The following RETREG1 variants were observed in gnomAD, a reference collection of about 807,000 sequenced individuals.
The protein encoded by RETREG1 is reticulophagy regulator 1.
RETREG1 carries 44 observed loss-of-function variants against 54.8 expected under a neutral mutation model. The ratio of observed to expected loss-of-function variants is 0.80; its 90% CI spans 0.63 to 1.03. RETREG1 has a LOEUF of 1.03. RETREG1 is among the 50% of genes least tolerant of loss of function. The pLI, the probability that RETREG1 is intolerant of heterozygous loss-of-function variation, is 0.00. For missense variants in RETREG1, 554 were observed against 605.1 expected (o/e 0.92, Z 0.89); for synonymous variants, 217 against 238.5 (o/e 0.91, Z 0.83).
Position 16,474,669 on chromosome 5 carries a change from C to G in RETREG1, c.*72G>C, listed in dbSNP as rs1257604889. On this transcript the variant is annotated 3_prime_UTR_variant, in exon 9 of 9. Transcript: ENST00000306320. ...CTTACAGTTCAATTTTTTTCTTTTCCTTTTTTTTTTTTTTTTCTTGTTTGA... is the reference window on the plus strand; with the variant it reads ...CTTACAGTTCAATTTTTTTCTTTTCGTTTTTTTTTTTTTTTTCTTGTTTGA... 8.6e-7 allele frequency: 1 copy of G among 1,161,672 alleles called. No individual in the cohort carries two copies. The highest frequency in any genetic ancestry group is 1.8e-5 in the African/African-American group (1 of 56,950). The allele number at this position is 1,161,672 out of a possible 1,614,324, so 72.0% of individuals were successfully genotyped here.
In RETREG1 at chr5:16,614,210, A is replaced by C. The variant is rs142264935; in HGVS notation, c.320+2442T>G. On this transcript the variant is annotated intron_variant, in intron 1 of 8. Coordinates refer to ENST00000306320, the MANE Select transcript of RETREG1 (RefSeq NM_001034850.3). ...TGCCTTTCAATTATTTTATGCAAAAACATTATTTTCAATAGGTGTCATTAA... is the reference window on the plus strand; with the variant it reads ...TGCCTTTCAATTATTTTATGCAAAACCATTATTTTCAATAGGTGTCATTAA... Among the ~76,000 whole-genome samples the C allele has an allele frequency of 8.4e-3, 1,278 of 151,440 alleles. 20 individuals are homozygous for C. The highest frequency in any genetic ancestry group is 0.028 in the African/African-American group (1,150 of 41,182).
At chr5:16,513,922 T>C (rs965210093) in intron 3 of RETREG1, among the ~76,000 whole-genome samples, 1 of 152,228 alleles carries the variant, frequency 6.6e-6, no homozygotes, top group East Asian at 1.9e-4. Context: ...GTAACTCTAT[T>C]CTGACAGCAC....
chr5:16,556,407 G>A (rs924633216), intron 3 of RETREG1, among the ~76,000 whole-genome samples: 6 of 151,926 alleles, frequency 3.9e-5, no homozygotes, highest in South Asian at 2.1e-4. Context: ...TGATCCTCCC[G>A]CCTCAGCCTC....
At chr5:16,529,909 A>G (rs1433948721) in intron 3 of RETREG1, among the ~76,000 whole-genome samples, 4 of 152,128 alleles carry the variant, frequency 2.6e-5, no homozygotes, top group African/African-American at 9.7e-5. Flanking sequence ...ATGAGCAGCA[A>G]TTCAAGTCCA....
intron 3 of RETREG1, among the ~76,000 whole-genome samples, chr5:16,514,457 A>T (rs557492887): frequency 6.6e-6 from 1 of 152,284 alleles, no homozygotes; most frequent in South Asian, 2.1e-4. Context: ...TTTCACTTGT[A>T]TCTTCAGTAT....
intron 7 of RETREG1, 58 bp downstream of exon 7, chr5:16,477,976 A>G: frequency 7.1e-7 from 1 of 1,399,650 alleles, no homozygotes; most frequent in Non-Finnish European, 1.0e-6. Flanking sequence ...CTTTGTATGC[A>G]TACATGCATT....
chr5:16,555,216 A>G (rs1741673223), intron 3 of RETREG1, among the ~76,000 whole-genome samples: 1 of 152,184 alleles, frequency 6.6e-6, no homozygotes, highest in South Asian at 2.1e-4. Flanking sequence ...CAGTGGCGCA[A>G]TCTGGGCTCA....
At chr5:16,523,736 A>G (rs1181403719) in intron 3 of RETREG1, among the ~76,000 whole-genome samples, 1 of 152,134 alleles carries the variant, frequency 6.6e-6, no homozygotes, top group Non-Finnish European at 1.5e-5. Flanking sequence ...ATCAACGTAC[A>G]GTATTTGGTG....
intron 2 of RETREG1, 79 bp downstream of exon 2, chr5:16,571,917 C>T (rs976791698): frequency 9.7e-7 from 1 of 1,029,318 alleles, no homozygotes. Flanking sequence ...GACTAATTGG[C>T]TAATATGCCT....
intron 8 of RETREG1, among the ~76,000 whole-genome samples, chr5:16,477,000 C>T (rs940794344): frequency 5.9e-5 from 9 of 152,116 alleles, no homozygotes; most frequent in Admixed American, 4.6e-4. Flanking sequence ...GGGAACTTGA[C>T]GTCCATACTT....
intron 3 of RETREG1, among the ~76,000 whole-genome samples, chr5:16,510,818 CAAA>C (rs57713373): frequency 0.015 from 1,166 of 75,660 alleles, 9 homozygotes; most frequent in Middle Eastern, 0.078. Flanking sequence ...ACAACAACAA[CAAA>C]AAAAAAAAAA....
At position 16,535,493 on chromosome 5, in the gene RETREG1, G is replaced by A. The variant is rs188175065; in HGVS notation, c.458+30270C>T. Among the ~76,000 whole-genome samples, 409 of 151,912 alleles carry A rather than the reference G, an allele frequency of 2.7e-3. 1 individual carries two copies. The highest frequency in any genetic ancestry group is 5.0e-3 in the Non-Finnish European group (340 of 67,926). The stretch of plus-strand genomic sequence containing the variant: ...TGGGAGCTGGGGTTCCTGCATGCAC[G>A]CTGCCTTCACAGAGTGGGAGCTGGA... On this transcript the variant is annotated intron_variant, in intron 3 of 8. Transcript: ENST00000306320.
At chr5:16,526,491 T>C (rs1375214899) in intron 3 of RETREG1, among the ~76,000 whole-genome samples, 1 of 152,196 alleles carries the variant, frequency 6.6e-6, no homozygotes. Context: ...AAGAGATGTT[T>C]CAGGAATAAC....
intron 3 of RETREG1, among the ~76,000 whole-genome samples, chr5:16,546,375 C>T (rs1377810179): frequency 6.6e-6 from 1 of 152,168 alleles, no homozygotes; most frequent in Non-Finnish European, 1.5e-5. Context: ...GCTATGTTGC[C>T]CAGGCTGGTC....
intron 3 of RETREG1, among the ~76,000 whole-genome samples, chr5:16,518,228 TTTATATA>T (rs1740422753): frequency 1.4e-5 from 2 of 147,952 alleles, no homozygotes; most frequent in Admixed American, 1.4e-4. Flanking sequence ...TGACTATATA[TTTATATA>T]TTATATAAGT....
chr5:16,557,173 G>T (rs371923997), intron 3 of RETREG1, among the ~76,000 whole-genome samples: 1 of 152,172 alleles, frequency 6.6e-6, no homozygotes, highest in African/African-American at 2.4e-5. Context: ...CTGTCCTGAA[G>T]ATCCACGTCA....
In RETREG1 at chr5:16,594,830, T is replaced by C. The variant is rs1742855273; in HGVS notation, c.320+21822A>G. On this transcript the variant is annotated intron_variant, in intron 1 of 8. Transcript: ENST00000306320. The surrounding 1 kb of genome is among the most constrained non-coding windows in gnomAD (Gnocchi z 4.4). ...GTTTCTGATGTGACAGATGACATAATGATGCAAGGTGTTGTTTTCAATTTA... is the reference window on the plus strand; with the variant it reads ...GTTTCTGATGTGACAGATGACATAACGATGCAAGGTGTTGTTTTCAATTTA... Among the ~76,000 whole-genome samples the C allele has an allele frequency of 6.6e-6, 1 of 152,180 alleles. No individual in the cohort carries two copies. Among genetic ancestry groups the C allele is most frequent in the South Asian group, 2.1e-4 (1 of 4,830 alleles).
At chr5:16,590,858 AAC>A (rs1027339243) in intron 1 of RETREG1, among the ~76,000 whole-genome samples, 18 of 150,482 alleles carry the variant, frequency 1.2e-4, no homozygotes, top group East Asian at 1.9e-4. Flanking sequence ...ACACACAAAA[AAC>A]ACACACATGC....
At chr5:16,533,960 A>C (rs1259774121) in intron 3 of RETREG1, among the ~76,000 whole-genome samples, 1 of 152,164 alleles carries the variant, frequency 6.6e-6, no homozygotes, top group African/African-American at 2.4e-5. Context: ...GTGAGAATGC[A>C]TGTGGTTGGT....
Sources: allele counts gnomAD v4.1 joint callset (sites outside exome capture counted in the v4.1 genomes callset), GRCh38; gene constraint gnomAD v4.1.1; non-coding constraint Gnocchi (gnomAD v3.1); transcripts MANE v1.5; gene names NCBI Gene and HGNC (gene_info 2026-07-23, HGNC 2026-07-21).